The following AHRR variants were observed in gnomAD, a reference collection of about 807,000 sequenced individuals.
AHRR encodes aryl hydrocarbon receptor repressor, also known as ahR repressor.
Under a neutral mutation model 44.0 loss-of-function variants are expected in AHRR, and 28 were observed. The observed-to-expected ratio is 0.64, with a 90% CI of 0.47 to 0.87. The LOEUF is 0.87. Among genes scored for constraint, AHRR ranks in the 40% least tolerant of loss-of-function variants. The pLI, the probability that AHRR is intolerant of heterozygous loss-of-function variation, is 0.00. For missense variants in AHRR, 990 were observed against 953.9 expected (o/e 1.04, Z -0.50); for synonymous variants, 434 against 407.0 (o/e 1.07, Z -0.80).
chr5:400,054 C>T lies in AHRR; in HGVS notation c.352-13290C>T, dbSNP rs530670746. Among the ~76,000 whole-genome samples the T allele has an allele frequency of 9.9e-4, 151 of 152,308 alleles. 1 individual carries two copies. Among genetic ancestry groups the T allele is most frequent in the African/African-American group, 3.4e-3 (142 of 41,564 alleles). ...GCTGCCCCGACGCCCGCCCGGTGCCCGCTCGCGTGACTAGCCGCCGTGTTG... is the reference window on the plus strand; with the variant it reads ...GCTGCCCCGACGCCCGCCCGGTGCCTGCTCGCGTGACTAGCCGCCGTGTTG... On this transcript the variant is annotated intron_variant, in intron 4 of 10. Coordinates refer to ENST00000684583, the MANE Select transcript of AHRR (RefSeq NM_001377236.1).
At chr5:335,770 G>T (rs1742097961) in intron 1 of AHRR, among the ~76,000 whole-genome samples, 1 of 152,218 alleles carries the variant, frequency 6.6e-6, no homozygotes, top group South Asian at 2.1e-4. Context: ...GGAGACAAAA[G>T]CTGATCCATC....
chr5:373,452 G>GTGGCCCCCTCCTGC (rs1214952065), intron 3 of AHRR, among the ~76,000 whole-genome samples: 1 of 152,240 alleles, frequency 6.6e-6, no homozygotes, highest in East Asian at 1.9e-4. Flanking sequence ...CCCTGGGCCT[G>GTGGCCCCCTCCTGC]TGGCCCCCTC....
At chr5:429,166 C>T (rs1027747222) in intron 8 of AHRR, among the ~76,000 whole-genome samples, 8 of 152,228 alleles carry the variant, frequency 5.3e-5, no homozygotes, top group South Asian at 4.1e-4. Context: ...CTGTGTTCCA[C>T]CTGCTGGGAA....
intron 5 of AHRR, among the ~76,000 whole-genome samples, chr5:421,681 T>A (rs915474382): frequency 6.6e-6 from 1 of 152,204 alleles, no homozygotes; most frequent in Non-Finnish European, 1.5e-5. Context: ...GACAGCGCAT[T>A]CACAGAAGGG....
intron 10 of AHRR, 117 bp from the exon 11 acceptor site, chr5:433,736 G>A: frequency 8.1e-7 from 1 of 1,232,894 alleles, no homozygotes; most frequent in Non-Finnish European, 1.1e-6. Context: ...CGGTGTAGCA[G>A]CCTTGGCAGA....
intron 4 of AHRR, among the ~76,000 whole-genome samples, chr5:399,152 G>T (rs888416338): frequency 2.0e-5 from 3 of 152,224 alleles, no homozygotes; most frequent in African/African-American, 7.2e-5. Flanking sequence ...AGGTGCAGAG[G>T]GACGGCCCAG....
intron 1 of AHRR, among the ~76,000 whole-genome samples, chr5:341,203 C>T (rs192448075): frequency 1.7e-4 from 26 of 151,922 alleles, no homozygotes; most frequent in African/African-American, 2.9e-4. Flanking sequence ...TTAGTACAGA[C>T]GGGGTTTCAC....
At chr5:428,143 TTACAC>T in intron 8 of AHRR, 137 bp downstream of exon 8, 2 of 1,009,408 alleles carry the variant, frequency 2.0e-6, no homozygotes, top group Non-Finnish European at 2.9e-6. Context: ...GTAAAAGTCA[TTACAC>T]AACATAGGCA....
At chr5:346,207 G>A (rs1394838574) in intron 2 of AHRR, among the ~76,000 whole-genome samples, 1 of 152,144 alleles carries the variant, frequency 6.6e-6, no homozygotes, top group Non-Finnish European at 1.5e-5. Flanking sequence ...ACATAAATAC[G>A]GTGCATGCAC....
chr5:391,138 C>T (rs992455404), intron 4 of AHRR, among the ~76,000 whole-genome samples: 4 of 152,218 alleles, frequency 2.6e-5, no homozygotes, highest in Non-Finnish European at 5.9e-5. Flanking sequence ...GCTCCATCAG[C>T]GGTGGTGTGA....
intron 3 of AHRR, among the ~76,000 whole-genome samples, chr5:361,281 A>G (rs77074272): frequency 0.098 from 14,956 of 152,210 alleles, 1,048 homozygotes; most frequent in Non-Finnish European, 0.13. Flanking sequence ...GCACGTGGTG[A>G]AACAGCCATT....
chr5:327,877 G>T (rs1443310777), intron 1 of AHRR, among the ~76,000 whole-genome samples: 1 of 152,098 alleles, frequency 6.6e-6, no homozygotes, highest in Non-Finnish European at 1.5e-5. Flanking sequence ...TTGGTGTGCT[G>T]CACCCATTAA....
chr5:376,544 G>GTGAT, intron 3 of AHRR, 66 bp from the exon 4 acceptor site: 1 of 1,405,328 alleles, frequency 7.1e-7, no homozygotes. Flanking sequence ...CAGGAAAGAT[G>GTGAT]TGAATGAAGA....
intron 3 of AHRR, among the ~76,000 whole-genome samples, chr5:371,802 A>G (rs1443983593): frequency 1.3e-5 from 2 of 152,166 alleles, no homozygotes; most frequent in Non-Finnish European, 2.9e-5. Flanking sequence ...GGGAGTCCTA[A>G]ACCGAGTCAG....
chr5:376,513 T>A (rs1733666043), intron 3 of AHRR, 97 bp from the exon 4 acceptor site: 4 of 1,307,462 alleles, frequency 3.1e-6, no homozygotes, highest in Non-Finnish European at 4.1e-6. Context: ...GTGAGAACCG[T>A]GGGGTGAACG....
intron 4 of AHRR, among the ~76,000 whole-genome samples, chr5:407,432 G>T (rs185337720): frequency 6.6e-6 from 1 of 152,124 alleles, no homozygotes; most frequent in Non-Finnish European, 1.5e-5. Flanking sequence ...TTTGTAAACG[G>T]GGCTTTCTCT....
chr5:434,109 C>G lies in AHRR; in HGVS notation c.1369C>G (p.Pro457Ala), dbSNP rs1736873354. 1.2e-6 allele frequency: 2 copies of G among 1,612,988 alleles called. No homozygotes were observed. Among genetic ancestry groups the G allele is most frequent in the African/African-American group, 1.3e-5 (1 of 74,944 alleles). The stretch of plus-strand genomic sequence containing the variant: ...CATCTCTCACCCGCCGAGCCCGTCC[C>G]CCAGTGCCTACTCCAGCCGGACCAG... ...SPISHPPSPS[P>A]SAYSSRTSRP... Residue 457 changes from proline to alanine, a missense_variant, in exon 11 of 11, where the codon CCC (proline) becomes GCC (alanine). Transcript: ENST00000684583.
intron 3 of AHRR, among the ~76,000 whole-genome samples, chr5:363,718 C>T (rs1052275039): frequency 6.6e-6 from 1 of 152,168 alleles, no homozygotes; most frequent in African/African-American, 2.4e-5. Flanking sequence ...ACTTGCAGGC[C>T]TCGTGAAACC....
chr5:337,707 G>T lies in AHRR; in HGVS notation c.-10-6186G>T, dbSNP rs1742191652. 6.6e-6 allele frequency among the ~76,000 whole-genome samples: 1 copy of T among 152,182 alleles called. No homozygotes were observed. The highest frequency in any genetic ancestry group is 2.4e-5 in the African/African-American group (1 of 41,446). On this transcript the variant is annotated intron_variant, in intron 1 of 10. Transcript: ENST00000684583. This position sits in a 1 kb window ranked among gnomAD's most constrained non-coding sequence, Gnocchi z 4.1. ...GAGGAGAACTCTGGATGGTGCTCCG[G>T]GGCTGCGGGAGGCCCCTAAGGAGTG...
Sources: allele counts gnomAD v4.1 joint callset (sites outside exome capture counted in the v4.1 genomes callset), GRCh38; gene constraint gnomAD v4.1.1; non-coding constraint Gnocchi (gnomAD v3.1); transcripts MANE v1.5; gene names NCBI Gene and HGNC (gene_info 2026-07-23, HGNC 2026-07-21).